RGS4: variants seen among roughly 807,000 people sequenced by gnomAD.
The protein encoded by RGS4 is regulator of G protein signaling 4.
Under a neutral mutation model 21.6 loss-of-function variants are expected in RGS4, and 15 were observed. That is an observed-to-expected ratio of 0.69 (90% CI 0.46 to 1.07). RGS4 has a LOEUF of 1.07. RGS4 is among the 50% of genes least tolerant of loss of function. The pLI is 0.00. For synonymous variants in RGS4, 94 were observed against 85.5 expected (o/e 1.10, Z -0.55); for missense variants, 237 against 239.0 (o/e 0.99, Z 0.06).
chr1:163,068,956 A>C (rs1300254214), upstream of RGS4: 1 of 1,607,428 alleles, frequency 6.2e-7, no homozygotes, highest in African/African-American at 1.3e-5. Context: ...GATGCTTCTA[A>C]TCCAAAAGAG....
upstream of RGS4, chr1:163,068,931 G>A (rs369429892): frequency 3.2e-6 from 5 of 1,583,578 alleles, no homozygotes; most frequent in African/African-American, 6.7e-5. Context: ...TCAGATCTTG[G>A]ACCATGTATA....
rs1376660865 is a variant in RGS4 at position 163,072,482 on chromosome 1, A to G, written c.132A>G (p.Lys44=). 2 of 1,612,184 alleles carry G rather than the reference A, an allele frequency of 1.2e-6. No individual in the cohort carries two copies. The highest frequency in any genetic ancestry group is 1.7e-5 in the Admixed American group (1 of 59,916). ...EHNSSHNKKD[K]VVICQRVSQE... is the part of the protein sequence containing the mutation. ...ATTCTTCCCACAACAAGAAGGACAAAGTGGTTATTTGCCAGAGGTAAGAGA... is the reference window on the plus strand; with the variant it reads ...ATTCTTCCCACAACAAGAAGGACAAGGTGGTTATTTGCCAGAGGTAAGAGA... The change falls in exon 2 of 5, where the codon AAA becomes AAG. Residue 44 remains lysine (K), a synonymous_variant. Coordinates refer to ENST00000367909, the MANE Select transcript of RGS4 (RefSeq NM_005613.6).
Position 163,073,582 on chromosome 1 carries a change from A to G in RGS4, c.338A>G (p.Lys113Arg), listed in dbSNP as rs373961033. 4.3e-6 allele frequency: 7 copies of G among 1,610,814 alleles called. No individual in the cohort carries two copies. The African/African-American group carries it at 9.4e-5, about 22-fold the overall frequency. Residue 113 changes from lysine (K) to arginine (R), a missense_variant, in exon 4 of 5, where the codon AAG (lysine) becomes AGG (arginine). Coordinates refer to ENST00000367909, the MANE Select transcript of RGS4 (RefSeq NM_005613.6). ...TCTAAACTAAGTCCCAAGGCCAAAA[A>G]GATCTATAATGAATTCATCTCAGTC... The part of the protein sequence containing the change: ...SPSKLSPKAK[K>R]IYNEFISVQA...
At position 163,073,512 on chromosome 1, in the gene RGS4, G is replaced by C; in HGVS notation, c.268G>C (p.Asp90His). The C allele has an allele frequency of 1.7e-5, 27 of 1,607,492 alleles. No individual in the cohort carries two copies. Among genetic ancestry groups the C allele is most frequent in the Non-Finnish European group, 2.3e-5 (27 of 1,178,060 alleles). ...GTCTGAATATAGTGAGGAGAATATT[G>C]ACTTCTGGATCAGCTGTGAAGAGTA... ...LKSEYSEENIDFWISCEEYKK... is the reference protein window; with the variant it reads ...LKSEYSEENIHFWISCEEYKK... The change falls in exon 4 of 5, where the codon GAC becomes CAC. Residue 90 changes from aspartate (D) to histidine (H), a missense_variant. Physicochemically the swap from Asp to His is moderately conservative, Grantham distance 81. Transcript: ENST00000367909.
At position 163,073,472 on chromosome 1, in the gene RGS4, C is replaced by T. The variant is rs1160136868; in HGVS notation, c.228C>T (p.Phe76=). ...LISHECGLAA[F]KAFLKSEYSE... ...GTATCATAGGTGGGCTGGCAGCTTT[C>T]AAAGCTTTCTTGAAGTCTGAATATA... is the stretch of plus-strand genomic sequence containing the variant. The change falls in exon 4 of 5, where the codon TTC becomes TTT. Residue 76 remains phenylalanine (F), a synonymous_variant. Transcript: ENST00000367909. 1.9e-6 allele frequency: 3 copies of T among 1,585,102 alleles called. No homozygotes were observed. The highest frequency in any genetic ancestry group is 2.6e-6 in the Non-Finnish European group (3 of 1,170,698).
intron 1 of RGS4, 79 bp from the exon 2 acceptor site, chr1:163,072,316 C>A: frequency 1.8e-6 from 2 of 1,116,848 alleles, no homozygotes; most frequent in Non-Finnish European, 1.3e-6. Flanking sequence ...TAGTAATGGA[C>A]TCTTCAAGCT....
At position 163,075,984 on chromosome 1, in the gene RGS4, T is replaced by C. The variant is rs574129156; in HGVS notation, c.*1424T>C. On this transcript the variant is annotated 3_prime_UTR_variant, in exon 5 of 5. Coordinates refer to ENST00000367909, the MANE Select transcript of RGS4 (RefSeq NM_005613.6). ...AAAAAAAAAATGATTGTCTAACCAA[T>C]TGTGAGAATTACTGTTTGAAACTTT... is the stretch of plus-strand genomic sequence containing the variant. The C allele has an allele frequency of 6.5e-6, 1 of 152,688 alleles. No homozygotes were observed. Among genetic ancestry groups the C allele is most frequent in the Non-Finnish European group, 1.5e-5 (1 of 68,008 alleles). 9.5% of individuals were successfully genotyped at this position (152,688 alleles called of 1,614,324 possible). A position where few individuals can be genotyped will look rare whatever the true frequency, so the allele number is the denominator to read the frequency against.
At chr1:163,070,191 A>G (rs564314514) in intron 1 of RGS4, among the ~76,000 whole-genome samples, 2 of 152,254 alleles carry the variant, frequency 1.3e-5, no homozygotes, top group South Asian at 2.1e-4. Flanking sequence ...TCTTAAAGAC[A>G]TTGTTTTGTT....
At chr1:163,072,548 T>A in intron 2 of RGS4, 49 bp downstream of exon 2, 2 of 1,307,330 alleles carry the variant, frequency 1.5e-6, no homozygotes, top group Non-Finnish European at 1.1e-6. Flanking sequence ...AACTATCTGA[T>A]GATGGGGATG....
At chr1:163,072,076 G>C (rs1655335114) in intron 1 of RGS4, 1 of 1,047,992 alleles carries the variant, frequency 9.5e-7, no homozygotes, top group Non-Finnish European at 1.1e-6. Flanking sequence ...TTCAGGTTCT[G>C]TTGAAGATAC....
Position 163,075,642 on chromosome 1 carries a change from C to A in RGS4, c.*1082C>A, listed in dbSNP as rs975203190. On this transcript the variant is annotated 3_prime_UTR_variant, in exon 5 of 5. Transcript: ENST00000367909. ...AAGGTTACTGTTTTTATCCTCTATC[C>A]TTTTTTCCTTTCCTGATCAAGGTGC... 1.1e-4 allele frequency: 16 copies of A among 152,136 alleles called. No individual in the cohort carries two copies. The highest frequency in any genetic ancestry group is 7.9e-4 in the Admixed American group (12 of 15,254). 9.4% of individuals were successfully genotyped at this position (152,136 alleles called of 1,614,324 possible).
rs1384755574 is a variant in RGS4 at position 163,073,504 on chromosome 1, A to G, written c.260A>G (p.Glu87Gly). 6.2e-7 allele frequency: 1 copy of G among 1,606,274 alleles called. No homozygotes were observed. Among genetic ancestry groups the G allele is most frequent in the Admixed American group, 1.7e-5 (1 of 57,842 alleles). ...KAFLKSEYSEENIDFWISCEE... is the reference protein window; with the variant it reads ...KAFLKSEYSEGNIDFWISCEE... Reference sequence around the variant, plus strand: ...TTCTTGAAGTCTGAATATAGTGAGGAGAATATTGACTTCTGGATCAGCTGT... The same window carrying G: ...TTCTTGAAGTCTGAATATAGTGAGGGGAATATTGACTTCTGGATCAGCTGT... The change falls in exon 4 of 5, where the codon GAG becomes GGG. Residue 87 changes from glutamate to glycine, a missense_variant. Physicochemically the swap from Glu to Gly is moderately conservative, Grantham distance 98 (BLOSUM62 -2). Transcript: ENST00000367909.
chr1:163,070,385 C>T (rs1003589627), intron 1 of RGS4, among the ~76,000 whole-genome samples: 5 of 152,110 alleles, frequency 3.3e-5, no homozygotes, highest in Non-Finnish European at 7.4e-5. Flanking sequence ...GGTAAAAAGT[C>T]AACCTAAAGG....
upstream of RGS4, chr1:163,068,988 C>T (rs1167784342): frequency 4.4e-6 from 7 of 1,604,692 alleles, no homozygotes; most frequent in Non-Finnish European, 6.0e-6. Flanking sequence ...GGAGTCAGCT[C>T]CTAAGTAAGC....
chr1:163,072,485 G>T lies in RGS4; in HGVS notation c.135G>T (p.Val45=). Residue 45 remains valine (V), a synonymous_variant, in exon 2 of 5, where the codon GTG becomes GTT. Transcript: ENST00000367909. The part of the protein sequence containing the change: ...HNSSHNKKDK[V]VICQRVSQEE... ...CTTCCCACAACAAGAAGGACAAAGT[G>T]GTTATTTGCCAGAGGTAAGAGAAAA... The T allele has an allele frequency of 6.2e-7, 1 of 1,611,286 alleles. No individual in the cohort carries two copies. Among genetic ancestry groups the T allele is most frequent in the African/African-American group, 1.3e-5 (1 of 74,938 alleles).
In RGS4 at chr1:163,074,820, A is replaced by C. The variant is rs75965774; in HGVS notation, c.*260A>C. On this transcript the variant is annotated 3_prime_UTR_variant, in exon 5 of 5. Coordinates refer to ENST00000367909, the MANE Select transcript of RGS4 (RefSeq NM_005613.6). ...TTCCATGGGAGCAAATATCTAAATA[A>C]TGGCCTGGTAGGTCTGGATTTTCAA... is the stretch of plus-strand genomic sequence containing the variant. 2.2e-3 allele frequency: 1,330 copies of C among 611,052 alleles called. 14 individuals carry two copies. Among genetic ancestry groups the C allele is most frequent in the East Asian group, 0.019 (680 of 36,548 alleles). The allele number at this position is 611,052 out of a possible 1,614,324, so 37.9% of individuals were successfully genotyped here.
intron 2 of RGS4, 78 bp downstream of exon 2, chr1:163,072,577 G>A (rs1401663007): frequency 3.6e-6 from 4 of 1,122,440 alleles, no homozygotes; most frequent in Non-Finnish European, 2.7e-6. Context: ...GAAGGAACTT[G>A]TGCTCCTAGT....
At chr1:163,073,312 CCAGGTGACTTGAAAAAAG>C in intron 3 of RGS4, 126 bp from the exon 4 acceptor site, 1 of 618,542 alleles carries the variant, frequency 1.6e-6, no homozygotes, top group Non-Finnish European at 2.7e-6. Flanking sequence ...TTACCTGACT[CCAGGTGACTTGAAAAAAG>C]CAGGGGAAAA....
intron 4 of RGS4, 194 bp downstream of exon 4, chr1:163,073,816 T>C (rs1008091984): frequency 7.8e-6 from 4 of 514,950 alleles, no homozygotes; most frequent in South Asian, 3.1e-5. Flanking sequence ...CAATAAACTA[T>C]TGATAACTAT....
Sources: gnomAD v4.1 joint callset for allele counts (sites outside exome capture counted in the v4.1 genomes callset) on GRCh38, gnomAD v4.1.1 for gene constraint, MANE v1.5 for transcripts, NCBI Gene and HGNC (gene_info 2026-07-23, HGNC 2026-07-21) for gene names.